GPLD1: variants seen among roughly 807,000 people sequenced by gnomAD.
GPLD1 encodes glycosylphosphatidylinositol specific phospholipase D1, also known as phosphatidylinositol-glycan-specific phospholipase D.
Under a neutral mutation model 112.6 loss-of-function variants are expected in GPLD1, and 84 were observed. The ratio of observed to expected loss-of-function variants is 0.75; its 90% CI spans 0.63 to 0.89. The LOEUF is 0.89. Among genes scored for constraint, GPLD1 ranks in the 40% least tolerant of loss-of-function variants. The pLI is 0.00. For missense variants in GPLD1, 1,044 were observed against 1,051.5 expected (o/e 0.99, Z 0.10); for synonymous variants, 386 against 403.8 (o/e 0.96, Z 0.53).
intron 14 of GPLD1, among the ~76,000 whole-genome samples, chr6:24,452,001 C>T (rs1454218327): frequency 6.6e-6 from 1 of 152,204 alleles, no homozygotes; most frequent in Non-Finnish European, 1.5e-5. Flanking sequence ...CTTGAGTTTC[C>T]TATCATAAAC....
intron 2 of GPLD1, among the ~76,000 whole-genome samples, chr6:24,480,547 A>G (rs1386621974): frequency 1.3e-5 from 2 of 152,248 alleles, no homozygotes; most frequent in African/African-American, 4.8e-5. Context: ...AAACGGACAC[A>G]CAAACGCACG....
Position 24,454,016 on chromosome 6 carries a change from T to C in GPLD1, c.1334A>G (p.Gln445Arg). The change falls in exon 14 of 25, where the codon CAG (glutamine) becomes CGG (arginine). Residue 445 changes from glutamine to arginine, a missense_variant and splice_region_variant. Transcript: ENST00000230036. Reference sequence around the variant, plus strand: ...AGAAAGGATGAGATGGTGTCTCACCTGGAAGCCTTCAAGGATCCTGTGGGC... The same window carrying C: ...AGAAAGGATGAGATGGTGTCTCACCCGGAAGCCTTCAAGGATCCTGTGGGC... ...KEAHRILEGF[Q>R]PSGRFGSALA... 6.2e-7 allele frequency: 1 copy of C among 1,603,708 alleles called. No individual in the cohort carries two copies. Among genetic ancestry groups the C allele is most frequent in the Non-Finnish European group, 8.5e-7 (1 of 1,172,336 alleles).
At position 24,495,020 on chromosome 6, in the gene GPLD1, G is replaced by C; in HGVS notation, n.186C>G. 1 of 1,336,448 alleles carries C rather than the reference G, an allele frequency of 7.5e-7. No homozygotes were observed. Among genetic ancestry groups the C allele is most frequent in the Non-Finnish European group, 9.5e-7 (1 of 1,047,160 alleles). 82.8% of individuals were successfully genotyped at this position (1,336,448 alleles called of 1,614,324 possible). ...CCATGGCGACCTGCATTTGGCTGCG[G>C]AGCTGTGGGGCCCGGCGCCTCGGGT... On this transcript the variant is annotated non_coding_transcript_exon_variant, in exon 1 of 11. Coordinates refer to the GPLD1 transcript ENST00000474784.
intron 15 of GPLD1, among the ~76,000 whole-genome samples, chr6:24,448,438 C>T (rs1561836870): frequency 1.3e-5 from 2 of 151,818 alleles, no homozygotes; most frequent in South Asian, 2.1e-4. Context: ...TTAATTAAAG[C>T]GAGACCTTGT....
chr6:24,486,291 T>C lies in GPLD1; in HGVS notation c.98-161A>G, dbSNP rs556296687. On this transcript the variant is annotated intron_variant, in intron 1 of 24. Transcript: ENST00000230036. ...ACTCACTGGCAATTTTCATTAGGTATAGGCTTGTGCAGTATTTCTATTGTT... is the reference window on the plus strand; with the variant it reads ...ACTCACTGGCAATTTTCATTAGGTACAGGCTTGTGCAGTATTTCTATTGTT... Among the ~76,000 whole-genome samples the C allele has an allele frequency of 7.0e-4, 107 of 152,368 alleles. 1 individual carries two copies. The highest frequency in any genetic ancestry group is 2.3e-3 in the African/African-American group (94 of 41,588).
chr6:24,443,822 C>T (rs1242652551), intron 20 of GPLD1, among the ~76,000 whole-genome samples: 1 of 151,968 alleles, frequency 6.6e-6, no homozygotes, highest in African/African-American at 2.4e-5. Context: ...AGGAGCGTGC[C>T]ACTATGCCTG....
chr6:24,488,206 G>T (rs1423830519), intron 1 of GPLD1, among the ~76,000 whole-genome samples: 1 of 152,040 alleles, frequency 6.6e-6, no homozygotes, highest in Non-Finnish European at 1.5e-5. Flanking sequence ...AGGAGATCGA[G>T]ATCATCCTGG....
chr6:24,445,437 T>C (rs183823190), intron 20 of GPLD1, 109 bp downstream of exon 20: 107 of 702,256 alleles, frequency 1.5e-4, no homozygotes, highest in Non-Finnish European at 2.4e-4. Flanking sequence ...AAAGGAAATA[T>C]TGAAACCTAG....
intron 5 of GPLD1, 149 bp downstream of exon 5, chr6:24,474,972 T>C: frequency 2.0e-6 from 1 of 511,450 alleles, no homozygotes; most frequent in Non-Finnish European, 3.5e-6. Context: ...AGGAACAAAT[T>C]GGAAAAGATG....
intron 2 of GPLD1, among the ~76,000 whole-genome samples, chr6:24,485,787 A>G (rs1412530490): frequency 6.6e-6 from 1 of 151,704 alleles, no homozygotes; most frequent in Non-Finnish European, 1.5e-5. Context: ...CTCCTGCCTC[A>G]GCCTCCCGAA....
chr6:24,470,540 T>C (rs1763766328), intron 7 of GPLD1, among the ~76,000 whole-genome samples: 1 of 152,190 alleles, frequency 6.6e-6, no homozygotes, highest in African/African-American at 2.4e-5. Flanking sequence ...AAGAAATAAA[T>C]AGTGATGTTA....
chr6:24,445,465 T>A (rs1762879747), intron 20 of GPLD1, 81 bp downstream of exon 20: 1 of 878,556 alleles, frequency 1.1e-6, no homozygotes. Flanking sequence ...CAGCTCCAGA[T>A]CTCATCACTT....
At chr6:24,433,519 G>A (rs1488425473) in intron 22 of GPLD1, 130 bp from the exon 23 acceptor site, 3 of 592,466 alleles carry the variant, frequency 5.1e-6, no homozygotes, top group East Asian at 3.0e-5. Context: ...TTGAGAAGGA[G>A]TCTTGCTCTG....
intron 3 of GPLD1, among the ~76,000 whole-genome samples, chr6:24,478,870 A>G (rs987260336): frequency 2.6e-5 from 4 of 151,984 alleles, no homozygotes; most frequent in Admixed American, 2.6e-4. Context: ...CTCCTCTCCA[A>G]TTACTCAGTT....
chr6:24,480,699 T>C (rs995144313), intron 2 of GPLD1, among the ~76,000 whole-genome samples: 6 of 152,302 alleles, frequency 3.9e-5, no homozygotes, highest in Middle Eastern at 3.4e-3. Context: ...TGAAAGTAGA[T>C]GGTAGCGGTT....
intron 4 of GPLD1, 23 bp downstream of exon 4, chr6:24,476,158 A>T: frequency 7.9e-7 from 1 of 1,272,312 alleles, no homozygotes; most frequent in Non-Finnish European, 1.1e-6. Context: ...TAAATATTTT[A>T]AGGATTGGAG....
At chr6:24,474,430 A>G (rs760903) in intron 5 of GPLD1, among the ~76,000 whole-genome samples, 44,750 of 152,084 alleles carry the variant, frequency 0.29, 6,964 homozygotes, top group Non-Finnish European at 0.34. Flanking sequence ...AAAGTTAAAA[A>G]GAGAGAGAAA....
At chr6:24,477,722 C>A (rs1162196434) in intron 3 of GPLD1, among the ~76,000 whole-genome samples, 1 of 150,970 alleles carries the variant, frequency 6.6e-6, no homozygotes, top group Non-Finnish European at 1.5e-5. Context: ...AGAGCAAGAC[C>A]CTGTCTCTAA....
intron 9 of GPLD1, 30 bp from the exon 10 acceptor site, chr6:24,466,849 G>A (rs773129569): frequency 6.3e-7 from 1 of 1,599,828 alleles, no homozygotes; most frequent in South Asian, 1.1e-5. Context: ...AAAATAAAAT[G>A]AATATGGTAC....
Sources: allele counts gnomAD v4.1 joint callset (sites outside exome capture counted in the v4.1 genomes callset), GRCh38; gene constraint gnomAD v4.1.1; transcripts MANE v1.5; gene names NCBI Gene and HGNC (gene_info 2026-07-23, HGNC 2026-07-21).